The following TICRR variants were observed in gnomAD, a reference collection of about 807,000 sequenced individuals.
TICRR encodes the protein treslin.
A neutral mutation model predicts 178.1 loss-of-function variants in TICRR; 132 were observed. The ratio of observed to expected loss-of-function variants is 0.74; its 90% CI spans 0.64 to 0.86. The LOEUF (loss-of-function observed/expected upper bound fraction) is 0.86. Ranked by LOEUF, TICRR falls within the 40% of genes least tolerant of loss-of-function variation. TICRR has a pLI of 0.00. For missense variants in TICRR, 2,587 were observed against 2,334.3 expected, an observed-to-expected ratio of 1.11 and a Z score of -2.23; for synonymous variants, 991 against 900.7, an observed-to-expected ratio of 1.10 and a Z score of -1.79.
At chr15:89,589,156 G>A (rs1040963491) in intron 4 of TICRR, among the ~76,000 whole-genome samples, 1 of 152,174 alleles carries the variant, frequency 6.6e-6, no homozygotes, top group Admixed American at 6.5e-5. Flanking sequence ...GTGCCAGGAT[G>A]GGAGACGGAA....
intron 4 of TICRR, among the ~76,000 whole-genome samples, chr15:89,591,195 G>C (rs556024594): frequency 3.9e-5 from 6 of 152,084 alleles, no homozygotes; most frequent in Admixed American, 3.9e-4. Context: ...GCGTGATCTC[G>C]GCTCACTGCA....
Position 89,584,525 on chromosome 15 carries a change from C to G in TICRR, c.1174C>G (p.Leu392Val). 1 of 1,559,792 alleles carries G rather than the reference C, an allele frequency of 6.4e-7. No individual in the cohort carries two copies. Among genetic ancestry groups the G allele is most frequent in the Non-Finnish European group, 8.7e-7 (1 of 1,152,312 alleles). The change falls in exon 3 of 22, where the codon CTG becomes GTG. Residue 392 changes from leucine to valine, a missense_variant and splice_region_variant. Leu to Val is a conservative substitution (Grantham distance 32, BLOSUM62 1). Transcript: ENST00000268138. ...CAGGCTGACTGCTGAAGAGTTACAC[C>G]TGGTAGGTATCCTCCACACGGGAAG... ...VSRLTAEELH[L>V]VADVDPGEGR...
rs962028959 is a variant in TICRR at position 89,627,048 on chromosome 15, C to T, written c.5695C>T (p.Arg1899Trp). 9.3e-6 allele frequency: 15 copies of T among 1,614,008 alleles called. No homozygotes were observed. Among genetic ancestry groups the T allele is most frequent in the South Asian group, 8.8e-5 (8 of 91,086 alleles). ...GCGCCCCATCAGCAGAACTTATACA[C>T]GGAAGAAGCTCATGGGAACCTGGCT... ...RRRPISRTYT[R>W]KKLMGTWLED... The change falls in exon 22 of 22, where the codon CGG (arginine) becomes TGG (tryptophan). Residue 1899 changes from arginine (R) to tryptophan (W), a missense_variant. Physicochemically the swap from Arg to Trp is moderately radical, Grantham distance 101. Coordinates refer to ENST00000268138, the MANE Select transcript of TICRR (RefSeq NM_152259.4).
rs373708469 is a variant in TICRR, at chr15:89,582,843, A to T, written c.812A>T (p.His271Leu). Residue 271 changes from histidine to leucine, a missense_variant, in exon 2 of 22, where the codon CAT (histidine) becomes CTT (leucine). Coordinates refer to ENST00000268138, the MANE Select transcript of TICRR (RefSeq NM_152259.4). ...GGAATAAAGCTGTCAAGTGAACCTC[A>T]TCTTTCTCCGTGGATTTCAATGCTG... is the stretch of plus-strand genomic sequence containing the variant. ...RSGIKLSSEP[H>L]LSPWISMLPT... 6.2e-7 allele frequency: 1 copy of T among 1,614,164 alleles called. No individual in the cohort carries two copies. The highest frequency in any genetic ancestry group is 1.1e-5 in the South Asian group (1 of 91,072).
chr15:89,604,070 T>C lies in TICRR; in HGVS notation c.2664+1178T>C, dbSNP rs371895541. Among the ~76,000 whole-genome samples, 5 of 152,192 alleles carry C rather than the reference T, an allele frequency of 3.3e-5. No homozygotes were observed. The East Asian group carries it at 5.8e-4, about 18-fold the overall frequency. Reference sequence around the variant, plus strand: ...ATAAACCTAGCTGGAATCTGTTTACTAAGTAGAATTAATGTCTCGCTGAGG... The same window carrying C: ...ATAAACCTAGCTGGAATCTGTTTACCAAGTAGAATTAATGTCTCGCTGAGG... On this transcript the variant is annotated intron_variant, in intron 13 of 21. Coordinates refer to ENST00000268138, the MANE Select transcript of TICRR (RefSeq NM_152259.4).
chr15:89,595,381 T>C lies in TICRR; in HGVS notation c.1682-12T>C. ...GCAATTTACTTTCCCTCCTCTGATGTTGTTTTGGTAGGAGGGGTCCCTCGT... is the reference window on the plus strand; with the variant it reads ...GCAATTTACTTTCCCTCCTCTGATGCTGTTTTGGTAGGAGGGGTCCCTCGT... On this transcript the variant is annotated splice_polypyrimidine_tract_variant and intron_variant, in intron 6 of 21. Coordinates refer to ENST00000268138, the MANE Select transcript of TICRR (RefSeq NM_152259.4). 6.3e-6 allele frequency: 10 copies of C among 1,597,490 alleles called. No individual in the cohort carries two copies. The highest frequency in any genetic ancestry group is 8.6e-6 in the Non-Finnish European group (10 of 1,165,006).
chr15:89,625,952 C>A lies in TICRR; in HGVS notation c.5493C>A (p.Pro1831=). Residue 1831 remains proline, a synonymous_variant, in exon 21 of 22, where the codon CCC becomes CCA. Transcript: ENST00000268138. ...EVFVSGSTPP[P]SCAVRSCLSA... ...TCTCTTTAGGCTCCACCCCACCTCC[C>A]AGCTGTGCCGTGCGGAGCTGCCTCT... is the stretch of plus-strand genomic sequence containing the variant. 1 of 1,584,300 alleles carries A rather than the reference C, an allele frequency of 6.3e-7. No individual in the cohort carries two copies. Among genetic ancestry groups the A allele is most frequent in the Non-Finnish European group, 8.6e-7 (1 of 1,168,172 alleles).
In TICRR at chr15:89,575,523, G is replaced by A. The variant is rs896564595; in HGVS notation, c.-64G>A. On this transcript the variant is annotated 5_prime_UTR_variant, in exon 1 of 22. Transcript: ENST00000268138. Reference sequence around the variant, plus strand: ...CAGTGAGTGGTGCTGTTTCCCTGAAGGAAGGGACTAAGGGACGGTGGCGCG... The same window carrying A: ...CAGTGAGTGGTGCTGTTTCCCTGAAAGAAGGGACTAAGGGACGGTGGCGCG... 2.7e-5 allele frequency: 38 copies of A among 1,398,112 alleles called. No homozygotes were observed. The highest frequency in any genetic ancestry group is 4.3e-4 in the Middle Eastern group (2 of 4,630). 86.6% of individuals were successfully genotyped at this position (1,398,112 alleles called of 1,614,324 possible).
intron 16 of TICRR, 44 bp from the exon 17 acceptor site, chr15:89,618,108 T>C: frequency 3.2e-6 from 5 of 1,580,802 alleles, no homozygotes; most frequent in Non-Finnish European, 4.3e-6. Context: ...TAAGTGTTAA[T>C]TACAAGTGGT....
chr15:89,623,218 T>G (rs1963454390), intron 19 of TICRR, among the ~76,000 whole-genome samples: 1 of 152,192 alleles, frequency 6.6e-6, no homozygotes. Context: ...AGTAAGCACA[T>G]GTTGAATGAG....
In TICRR at chr15:89,601,752, C is replaced by T. The variant is rs543043445; in HGVS notation, c.2343C>T (p.Ile781=). 17 of 1,614,128 alleles carry T rather than the reference C, an allele frequency of 1.1e-5. No homozygotes were observed. The South Asian group carries it at 1.8e-4, about 17-fold the overall frequency. The part of the protein sequence containing the change: ...EEILRLYIDS[I]PKTLGNLYNS... ...TGTTCCACAGGTATATTGACTCTAT[C>T]CCAAAGACACTTGGAAATCTTTACA... The change falls in exon 12 of 22, where the codon ATC becomes ATT. Residue 781 remains isoleucine, a synonymous_variant. Transcript: ENST00000268138.
intron 4 of TICRR, 157 bp from the exon 5 acceptor site, chr15:89,591,890 G>C (rs1334202739): frequency 1.5e-5 from 8 of 529,486 alleles, no homozygotes; most frequent in Admixed American, 3.2e-5. Context: ...ACATAGGCCT[G>C]TAGCAGTTTG....
chr15:89,602,093 C>T, intron 12 of TICRR, 117 bp downstream of exon 12: 1 of 1,279,344 alleles, frequency 7.8e-7, no homozygotes, highest in East Asian at 2.5e-5. Context: ...AATAGCTGCC[C>T]TTATGTCTGA....
intron 1 of TICRR, among the ~76,000 whole-genome samples, chr15:89,576,785 A>G (rs1962622068): frequency 6.7e-6 from 1 of 148,752 alleles, no homozygotes; most frequent in Non-Finnish European, 1.5e-5. Flanking sequence ...AGCAGGTTTT[A>G]ACACAATACC....
In TICRR at chr15:89,576,038, T is replaced by A. The variant is rs1427362782; in HGVS notation, c.452T>A (p.Val151Glu). Residue 151 changes from valine (V) to glutamate (E), a missense_variant, in exon 1 of 22, where the codon GTG becomes GAG. Transcript: ENST00000268138. ...GCCGAGGCCGCGCTCGGGGGCTTGGTGAACGCCGTCTTCCTCCTGGCCCCC... is the reference window on the plus strand; with the variant it reads ...GCCGAGGCCGCGCTCGGGGGCTTGGAGAACGCCGTCTTCCTCCTGGCCCCC... ...KEAEAALGGL[V>E]NAVFLLAPCP... is the part of the protein sequence containing the mutation. 1 of 1,610,244 alleles carries A rather than the reference T, an allele frequency of 6.2e-7. No homozygotes were observed. The highest frequency in any genetic ancestry group is 8.5e-7 in the Non-Finnish European group (1 of 1,179,042).
chr15:89,624,957 T>C lies in TICRR; in HGVS notation c.4647T>C (p.His1549=). ...ACAACCTGCCAGCATCAGCTTGGCATTCCACAGACTCTGCCAGCCCACAGA... is the reference window on the plus strand; with the variant it reads ...ACAACCTGCCAGCATCAGCTTGGCACTCCACAGACTCTGCCAGCCCACAGA... The part of the protein sequence containing the change: ...QLDNLPASAW[H]STDSASPQTY... Residue 1549 remains histidine, a synonymous_variant, in exon 20 of 22, where the codon CAT becomes CAC. Coordinates refer to ENST00000268138, the MANE Select transcript of TICRR (RefSeq NM_152259.4). The C allele has an allele frequency of 6.2e-7, 1 of 1,614,052 alleles. No individual in the cohort carries two copies. Among genetic ancestry groups the C allele is most frequent in the Non-Finnish European group, 8.5e-7 (1 of 1,180,028 alleles).
chr15:89,606,942 A>C, intron 14 of TICRR, 117 bp downstream of exon 14: 1 of 763,866 alleles, frequency 1.3e-6, no homozygotes, highest in Non-Finnish European at 2.2e-6. Flanking sequence ...ATTGTTGGCT[A>C]ATAAAATATG....
intron 15 of TICRR, among the ~76,000 whole-genome samples, chr15:89,610,780 A>T: frequency 6.7e-6 from 1 of 149,558 alleles, no homozygotes; most frequent in Non-Finnish European, 1.5e-5. Context: ...TATTTAGCTG[A>T]TTTTTTGTAG....
At chr15:89,586,059 G>C (rs1962818185) in intron 4 of TICRR, 117 bp downstream of exon 4, 1 of 681,882 alleles carries the variant, frequency 1.5e-6, no homozygotes. Context: ...ACAGATGAAA[G>C]AAAGCTATAA....
Sources: gnomAD v4.1 joint callset for allele counts (sites outside exome capture counted in the v4.1 genomes callset) on GRCh38, gnomAD v4.1.1 for gene constraint, MANE v1.5 for transcripts, NCBI Gene and HGNC (gene_info 2026-07-23, HGNC 2026-07-21) for gene names.